TRIM16: variants seen among roughly 807,000 people sequenced by gnomAD.
TRIM16 encodes tripartite motif-containing protein 16.
In TRIM16, 33 loss-of-function variants were observed where a neutral mutation model predicts 50.4. That is an observed-to-expected ratio of 0.65 (90% CI 0.50 to 0.88). The LOEUF (loss-of-function observed/expected upper bound fraction) is 0.88. Ranked by LOEUF, TRIM16 falls within the 40% of genes least tolerant of loss-of-function variation. The pLI is 0.00. For missense variants in TRIM16, 581 were observed against 686.8 expected (o/e 0.85, Z 1.72); for synonymous variants, 229 against 270.7 (o/e 0.85, Z 1.51).
At chr17:15,673,229 C>T (rs568317861) in intron 6 of TRIM16, among the ~76,000 whole-genome samples, 1 of 152,334 alleles carries the variant, frequency 6.6e-6, no homozygotes, top group East Asian at 1.9e-4. Context: ...CTCCCCACCC[C>T]TTTTCAATTT....
intron 3 of TRIM16, among the ~76,000 whole-genome samples, chr17:15,681,380 C>G (rs2151432436): frequency 6.6e-6 from 1 of 152,332 alleles, no homozygotes; most frequent in African/African-American, 2.4e-5. Context: ...CCCCAGCAGT[C>G]ATGGTCACAG....
intron 9 of TRIM16, among the ~76,000 whole-genome samples, chr17:15,633,835 C>T (rs1022691618): frequency 2.1e-4 from 32 of 151,188 alleles, no homozygotes; most frequent in African/African-American, 5.1e-4. Flanking sequence ...CCACCGTGCC[C>T]GGCCAATAAA....
At chr17:15,640,426 C>A (rs1987066126) in intron 8 of TRIM16, among the ~76,000 whole-genome samples, 1 of 148,832 alleles carries the variant, frequency 6.7e-6, no homozygotes, top group African/African-American at 2.5e-5. Context: ...CCCTTGTTCA[C>A]TGTGGGCACC....
At chr17:15,650,612 A>G (rs1279911517) in intron 7 of TRIM16, among the ~76,000 whole-genome samples, 1 of 152,162 alleles carries the variant, frequency 6.6e-6, no homozygotes, top group African/African-American at 2.4e-5. Context: ...GGCCCATTCT[A>G]CTGGTCTCTT....
chr17:15,635,313 G>A (rs1230130268), intron 9 of TRIM16, among the ~76,000 whole-genome samples: 5 of 148,680 alleles, frequency 3.4e-5, no homozygotes, highest in Admixed American at 1.3e-4. Context: ...GGATGTTGCA[G>A]TTTACCCCCA....
At chr17:15,634,832 A>C (rs1232468946) in intron 9 of TRIM16, among the ~76,000 whole-genome samples, 5 of 148,852 alleles carry the variant, frequency 3.4e-5, no homozygotes, top group South Asian at 4.3e-4. Flanking sequence ...CACACACACA[A>C]AAATAAATAA....
At chr17:15,651,053 C>T in intron 7 of TRIM16, 38 bp downstream of exon 7, 1 of 1,572,722 alleles carries the variant, frequency 6.4e-7, no homozygotes, top group Admixed American at 1.7e-5. Context: ...TCCCCCACCG[C>T]CCTCTCCCAA....
intron 7 of TRIM16, among the ~76,000 whole-genome samples, chr17:15,643,776 T>C (rs919726195): frequency 3.0e-4 from 46 of 152,358 alleles, no homozygotes; most frequent in African/African-American, 1.0e-3. Context: ...TCAATGGAGT[T>C]GAGCCTAGGC....
rs533745273 is a variant in TRIM16, at chr17:15,684,277, C to G, written c.-980G>C. 6.6e-6 allele frequency: 1 copy of G among 152,208 alleles called. No individual in the cohort carries two copies. The highest frequency in any genetic ancestry group is 2.4e-5 in the African/African-American group (1 of 41,410). The allele number at this position is 152,208 out of a possible 1,614,324, so 9.4% of individuals were successfully genotyped here. ...GGACAGGGAGGACACAGACTCGCCA[C>G]GCGCGGAGATCCTCCAGAGAAAGGG... On this transcript the variant is annotated 5_prime_UTR_variant, in exon 1 of 12. Coordinates refer to ENST00000649191, the MANE Select transcript of TRIM16 (RefSeq NM_001348119.1).
chr17:15,636,392 T>G (rs1357601075), intron 8 of TRIM16, 123 bp from the exon 9 acceptor site: 4 of 926,186 alleles, frequency 4.3e-6, no homozygotes, highest in Non-Finnish European at 6.5e-6. Flanking sequence ...AGTTCCCTAT[T>G]GTAAAAGGAA....
At chr17:15,665,387 T>C (rs1379112076) in intron 6 of TRIM16, among the ~76,000 whole-genome samples, 3 of 152,152 alleles carry the variant, frequency 2.0e-5, no homozygotes, top group Non-Finnish European at 1.5e-5. Flanking sequence ...TGGGTGCCTG[T>C]AGTCCCAGCT....
rs532482946 is a variant in TRIM16, at chr17:15,674,547, T to C, written c.-338+2629A>G. Among the ~76,000 whole-genome samples, 341 of 152,206 alleles carry C rather than the reference T, an allele frequency of 2.2e-3. 1 individual carries two copies. The highest frequency in any genetic ancestry group is 4.1e-3 in the Non-Finnish European group (276 of 68,016). ...CCACACTGCCCCACCGCACACCTGG[T>C]GCTTTAGATAAAGAAATCCATGGGC... On this transcript the variant is annotated intron_variant, in intron 6 of 11. Transcript: ENST00000649191.
intron 6 of TRIM16, among the ~76,000 whole-genome samples, chr17:15,656,498 G>C (rs1206455368): frequency 6.6e-6 from 1 of 151,922 alleles, no homozygotes; most frequent in Non-Finnish European, 1.5e-5. Context: ...AGGTGGATGG[G>C]AGTCCTCCTC....
Position 15,651,180 on chromosome 17 carries a change from GGCA to G in TRIM16, c.427_429del (p.Cys143del). Reference sequence around the variant, plus strand: ...TCCTGGCAGATGCACTGCTGATCAGGGCAGCAGAAGGCAGACAGTGGGCTGTGG... The same window carrying G: ...TCCTGGCAGATGCACTGCTGATCAGGGCAGAAGGCAGACAGTGGGCTGTGG... On this transcript the variant is annotated inframe_deletion, in exon 7 of 12. Coordinates refer to ENST00000649191, the MANE Select transcript of TRIM16 (RefSeq NM_001348119.1). The G allele has an allele frequency of 6.2e-7, 1 of 1,614,222 alleles. No homozygotes were observed. Among genetic ancestry groups the G allele is most frequent in the Non-Finnish European group, 8.5e-7 (1 of 1,180,044 alleles).
intron 7 of TRIM16, among the ~76,000 whole-genome samples, chr17:15,650,167 G>C (rs1169776184): frequency 3.3e-5 from 5 of 152,204 alleles, no homozygotes; most frequent in Admixed American, 6.5e-5. Flanking sequence ...TTTGATGCCA[G>C]GGAACATTTG....
intron 6 of TRIM16, among the ~76,000 whole-genome samples, chr17:15,671,241 T>C (rs188027517): frequency 3.8e-4 from 57 of 151,744 alleles, no homozygotes; most frequent in Non-Finnish European, 6.3e-4. Context: ...GCAATACCAA[T>C]ATTGTCTTTA....
chr17:15,657,705 T>C (rs565290949), intron 6 of TRIM16, among the ~76,000 whole-genome samples: 53 of 152,354 alleles, frequency 3.5e-4, no homozygotes, highest in African/African-American at 1.3e-3. Flanking sequence ...TATCGTAGCA[T>C]GCATCTGAAT....
At position 15,640,318 on chromosome 17, in the gene TRIM16, C is replaced by T. The variant is rs977814817; in HGVS notation, c.615+2403G>A. ...TGGGAGTTCAGCTGAGCTTTCAGCCCATGGGCTGTGGCTGTGTGGGGGTTG... is the reference window on the plus strand; with the variant it reads ...TGGGAGTTCAGCTGAGCTTTCAGCCTATGGGCTGTGGCTGTGTGGGGGTTG... On this transcript the variant is annotated intron_variant, in intron 8 of 11. Coordinates refer to ENST00000649191, the MANE Select transcript of TRIM16 (RefSeq NM_001348119.1). 5.4e-5 allele frequency among the ~76,000 whole-genome samples: 8 copies of T among 148,402 alleles called. 1 individual carries two copies. The highest frequency in any genetic ancestry group is 2.0e-4 in the Admixed American group (3 of 15,034).
At chr17:15,661,980 C>T (rs1368764867) in intron 6 of TRIM16, among the ~76,000 whole-genome samples, 1 of 152,190 alleles carries the variant, frequency 6.6e-6, no homozygotes, top group Non-Finnish European at 1.5e-5. Context: ...TTCTAAATAC[C>T]TCCTGGAAGA....
Sources: gnomAD v4.1 joint callset for allele counts (sites outside exome capture counted in the v4.1 genomes callset) on GRCh38, gnomAD v4.1.1 for gene constraint, MANE v1.5 for transcripts, NCBI Gene and HGNC (gene_info 2026-07-23, HGNC 2026-07-21) for gene names.